The following TPR variants were observed in gnomAD, a reference collection of about 807,000 sequenced individuals.
The protein encoded by TPR is translocated promoter region, nuclear basket protein.
In TPR, 51 loss-of-function variants were observed where a neutral mutation model predicts 316.1. That is an observed-to-expected ratio of 0.16 (90% CI 0.13 to 0.20). TPR has a LOEUF of 0.20. TPR is among the 10% of genes least tolerant of loss of function. TPR has a pLI of 1.00. For synonymous variants in TPR, 981 were observed against 914.7 expected (o/e 1.07, Z -1.31); for missense variants, 2,272 against 2,754.8 (o/e 0.82, Z 3.92).
rs969205321 is a variant in TPR, at chr1:186,347,182, T to A, written c.2943+110A>T. 13 of 1,178,250 alleles carry A rather than the reference T, an allele frequency of 1.1e-5. No homozygotes were observed. The African/African-American group carries it at 1.8e-4, about 17-fold the overall frequency. The allele number at this position is 1,178,250 out of a possible 1,614,324, so 73.0% of individuals were successfully genotyped here. ...AGTACTTTCACAAGGTTAAAGGCAA[T>A]GACCCTGGTCTAATTCATACGAGTG... On this transcript the variant is annotated intron_variant, in intron 22 of 50. Transcript: ENST00000367478.
intron 43 of TPR, 143 bp downstream of exon 43, chr1:186,323,543 T>C: frequency 4.1e-6 from 3 of 729,520 alleles, no homozygotes; most frequent in Non-Finnish European, 5.9e-6. Context: ...AAGAATTTTA[T>C]AAAAATATGC....
chr1:186,350,919 G>T (rs1208771378), intron 20 of TPR, among the ~76,000 whole-genome samples: 1 of 152,090 alleles, frequency 6.6e-6, no homozygotes, highest in Non-Finnish European at 1.5e-5. Flanking sequence ...CAAGAATAAT[G>T]CCTGTTCTGC....
At position 186,313,860 on chromosome 1, in the gene TPR, T is replaced by A; in HGVS notation, c.*111A>T. ...TGAAAAACATTTTATTAATAAAGAA[T>A]ATTGACATGAGTATACCAGTTTATA... On this transcript the variant is annotated 3_prime_UTR_variant, in exon 51 of 51. Transcript: ENST00000367478. 4 of 1,469,996 alleles carry A rather than the reference T, an allele frequency of 2.7e-6. No individual in the cohort carries two copies. Among genetic ancestry groups the A allele is most frequent in the Non-Finnish European group, 1.9e-6 (2 of 1,050,170 alleles). 91.1% of individuals were successfully genotyped at this position (1,469,996 alleles called of 1,614,324 possible). A position where few individuals can be genotyped will look rare whatever the true frequency, so the allele number is the denominator to read the frequency against.
chr1:186,321,829 T>C (rs73046511), intron 45 of TPR, among the ~76,000 whole-genome samples: 3,886 of 152,310 alleles, frequency 0.026, 160 homozygotes, highest in African/African-American at 0.087. Flanking sequence ...ATTATGATCA[T>C]TGTAATTACC....
intron 11 of TPR, 72 bp from the exon 12 acceptor site, chr1:186,360,068 A>G (rs905274134): frequency 8.0e-6 from 12 of 1,503,158 alleles, no homozygotes; most frequent in African/African-American, 1.4e-5. Flanking sequence ...TAGTTTCATA[A>G]TAAACATTCT....
At position 186,342,902 on chromosome 1, in the gene TPR, T is replaced by G. The variant is rs774507150; in HGVS notation, c.3750+424A>C. On this transcript the variant is annotated intron_variant, in intron 27 of 50. Coordinates refer to ENST00000367478, the MANE Select transcript of TPR (RefSeq NM_003292.3). The stretch of plus-strand genomic sequence containing the variant: ...ATATTCTGTAGCAGTTTAAATCACT[T>G]TATCCTAGAATGACTATCCACACGT... The G allele has an allele frequency of 7.6e-4, 117 of 153,094 alleles. 1 individual carries two copies. The highest frequency in any genetic ancestry group is 3.3e-3 in the Middle Eastern group (1 of 300). The allele number at this position is 153,094 out of a possible 1,614,324, so 9.5% of individuals were successfully genotyped here.
intron 13 of TPR, 113 bp from the exon 14 acceptor site, chr1:186,357,736 G>C: frequency 1.3e-6 from 1 of 796,358 alleles, no homozygotes; most frequent in Non-Finnish European, 1.9e-6. Context: ...AACTTGTACT[G>C]CCTCAAATTA....
chr1:186,351,757 T>C (rs1658867982), intron 19 of TPR, among the ~76,000 whole-genome samples: 1 of 152,148 alleles, frequency 6.6e-6, no homozygotes, highest in Non-Finnish European at 1.5e-5. Flanking sequence ...CAGGACACTG[T>C]AAATATACCT....
Position 186,331,599 on chromosome 1 carries a change from A to G in TPR, c.5605-18T>C. On this transcript the variant is annotated intron_variant, in intron 38 of 50. Transcript: ENST00000367478. ...ACTTCTTCCTGTATCATAATACACT[A>G]ATATATTAACCATATCAGTGTAGTA... The G allele has an allele frequency of 6.4e-7, 1 of 1,560,794 alleles. No homozygotes were observed. The highest frequency in any genetic ancestry group is 8.8e-7 in the Non-Finnish European group (1 of 1,137,976).
rs1027514432 is a variant in TPR, at chr1:186,340,889, T to C, written c.4020+139A>G. On this transcript the variant is annotated intron_variant, in intron 29 of 50. Transcript: ENST00000367478. ...GTTTAACATCTGTCACGTATTTACA[T>C]GTATTAATAACATAATAGACTTTCA... 2.7e-4 allele frequency: 287 copies of C among 1,059,426 alleles called. 1 individual carries two copies. Among genetic ancestry groups the C allele is most frequent in the Non-Finnish European group, 8.9e-5 (67 of 753,250 alleles). The allele number at this position is 1,059,426 out of a possible 1,614,324, so 65.6% of individuals were successfully genotyped here.
Position 186,331,540 on chromosome 1 carries a change from C to G in TPR, c.5646G>C (p.Glu1882Asp). 4 of 1,609,478 alleles carry G rather than the reference C, an allele frequency of 2.5e-6. No individual in the cohort carries two copies. Among genetic ancestry groups the G allele is most frequent in the Non-Finnish European group, 3.4e-6 (4 of 1,177,662 alleles). The change falls in exon 39 of 51, where the codon GAG becomes GAC. Residue 1882 changes from glutamate (E) to aspartate (D), a missense_variant. By Grantham distance (45) the Glu-to-Asp change is conservative. Transcript: ENST00000367478. ...GAGAATCCTGGTTGTATACCTGAGT[C>G]TCTACCTCTCCATCAGTACTTTCTT... ...MAEESTDGEV[E>D]TQVYNQDSQD...
chr1:186,361,057 T>TA, intron 9 of TPR, 152 bp from the exon 10 acceptor site: 1 of 836,486 alleles, frequency 1.2e-6, no homozygotes, highest in Non-Finnish European at 1.8e-6. Context: ...GTTCTTGCTC[T>TA]ACTTATAATT....
intron 7 of TPR, 71 bp downstream of exon 7, chr1:186,362,217 A>G: frequency 1.5e-6 from 2 of 1,290,874 alleles, no homozygotes; most frequent in Non-Finnish European, 2.2e-6. Context: ...AAATGACATC[A>G]TTTTGTGAAA....
In TPR at chr1:186,313,601, C is replaced by A; in HGVS notation, c.*370G>T. On this transcript the variant is annotated 3_prime_UTR_variant, in exon 51 of 51. Coordinates refer to ENST00000367478, the MANE Select transcript of TPR (RefSeq NM_003292.3). ...TAAAATGATAAACATTGTCTTTGAG[C>A]ATAATAGTCAACATAAGTTATTTTT... 1 of 832,080 alleles carries A rather than the reference C, an allele frequency of 1.2e-6. No homozygotes were observed. 51.5% of individuals were successfully genotyped at this position (832,080 alleles called of 1,614,324 possible).
rs770488579 is a variant in TPR, at chr1:186,332,290, C to T, written c.5509G>A (p.Asp1837Asn). 9 of 1,612,838 alleles carry T rather than the reference C, an allele frequency of 5.6e-6. 1 individual carries two copies. The South Asian group carries it at 8.8e-5, about 16-fold the overall frequency. ...LPKRTREEEE[D>N]STIEASDQVS... ...TGGTCTGATGCTTCTATGGTGCTAT[C>T]CTCTTCCTCTTCACGTGTACGCTTT... Residue 1837 changes from aspartate to asparagine, a missense_variant, in exon 38 of 51, where the codon GAT becomes AAT. Asp to Asn is a conservative substitution (Grantham distance 23). Transcript: ENST00000367478.
At chr1:186,340,886 A>G (rs1658490411) in intron 29 of TPR, 142 bp downstream of exon 29, 1 of 1,025,880 alleles carries the variant, frequency 9.7e-7, no homozygotes, top group East Asian at 2.6e-5. Context: ...TCACGTATTT[A>G]CATGTATTAA....
Position 186,353,669 on chromosome 1 carries a change from C to T in TPR, c.2334+19G>A. 1.2e-6 allele frequency: 2 copies of T among 1,603,226 alleles called. No homozygotes were observed. Among genetic ancestry groups the T allele is most frequent in the Non-Finnish European group, 1.7e-6 (2 of 1,176,028 alleles). ...AATGCAACTTATAATGCAAGTTGGA[C>T]AAGGGATATTGGACTCACTTCTGCG... On this transcript the variant is annotated intron_variant, in intron 18 of 50. Transcript: ENST00000367478.
intron 4 of TPR, among the ~76,000 whole-genome samples, chr1:186,365,581 A>G (rs949795560): frequency 6.6e-6 from 1 of 152,216 alleles, no homozygotes; most frequent in Non-Finnish European, 1.5e-5. Context: ...TGAAAAGAAA[A>G]TGTCAACACT....
intron 35 of TPR, 58 bp downstream of exon 35, chr1:186,335,010 T>G (rs1363978487): frequency 6.6e-6 from 10 of 1,522,284 alleles, no homozygotes; most frequent in Non-Finnish European, 9.0e-6. Context: ...GAAAGATCAC[T>G]AGATATTCCC....
Sources: allele counts gnomAD v4.1 joint callset (sites outside exome capture counted in the v4.1 genomes callset), GRCh38; gene constraint gnomAD v4.1.1; transcripts MANE v1.5; gene names NCBI Gene and HGNC (gene_info 2026-07-23, HGNC 2026-07-21).